Variants in MORF4L1 observed in about 807,000 individuals in gnomAD.
MORF4L1 encodes the protein mortality factor 4 like 1.
In MORF4L1, 4 loss-of-function variants were observed where a neutral mutation model predicts 52.9. The ratio of observed to expected loss-of-function variants is 0.08; its 90% CI spans 0.04 to 0.17. MORF4L1 has a LOEUF of 0.17. MORF4L1 is among the 10% of genes least tolerant of loss of function. The probability of loss-of-function intolerance (pLI) is 1.00; values close to 1 mark genes in which losing one functional copy is unlikely to be tolerated. For synonymous variants in MORF4L1, 123 were observed against 134.8 expected, an observed-to-expected ratio of 0.91 and a Z score of 0.61; for missense variants, 214 against 390.4, an observed-to-expected ratio of 0.55 and a Z score of 3.81.
intron 3 of MORF4L1, chr15:78,885,156 G>GTAT (rs1425249759): frequency 1.6e-6 from 2 of 1,240,940 alleles, no homozygotes; most frequent in Non-Finnish European, 2.3e-6. Flanking sequence ...CCTCTTGGCT[G>GTAT]TATTATATAA....
rs1432956986 is a variant in MORF4L1, at chr15:78,897,249, T to C, written c.*182T>C. 6.2e-6 allele frequency: 3 copies of C among 482,680 alleles called. No homozygotes were observed. Among genetic ancestry groups the C allele is most frequent in the East Asian group, 3.6e-5 (1 of 27,432 alleles). The allele number at this position is 482,680 out of a possible 1,614,324, so 29.9% of individuals were successfully genotyped here. A position where few individuals can be genotyped will look rare whatever the true frequency, so the allele number is the denominator to read the frequency against. ...ATAGCTCCTTTTTTCTTCTTTCTTTTTTTTTTTCATTTCAAAATTGCTGCC... is the reference window on the plus strand; with the variant it reads ...ATAGCTCCTTTTTTCTTCTTTCTTTCTTTTTTTCATTTCAAAATTGCTGCC... On this transcript the variant is annotated 3_prime_UTR_variant, in exon 12 of 12. Coordinates refer to ENST00000426013, the MANE Select transcript of MORF4L1 (RefSeq NM_006791.4).
At chr15:78,890,112 T>C (rs1214260451) in intron 5 of MORF4L1, among the ~76,000 whole-genome samples, 1 of 151,988 alleles carries the variant, frequency 6.6e-6, no homozygotes, top group African/African-American at 2.4e-5. Context: ...CCCAGCTACT[T>C]GGAAGGCTGA....
At chr15:78,887,648 C>G (rs376048738) in intron 5 of MORF4L1, among the ~76,000 whole-genome samples, 6 of 152,288 alleles carry the variant, frequency 3.9e-5, no homozygotes, top group African/African-American at 1.4e-4. Context: ...CCTTTTCAAA[C>G]CTAAAAAGCA....
intron 8 of MORF4L1, 53 bp from the exon 9 acceptor site, chr15:78,893,485 AT>A (rs1286322086): frequency 2.2e-5 from 28 of 1,246,812 alleles, no homozygotes; most frequent in Non-Finnish European, 2.8e-5. Context: ...GCCTGGTATG[AT>A]TTTTCTTTAA....
chr15:78,882,829 TA>T (rs34194384), intron 3 of MORF4L1, among the ~76,000 whole-genome samples: 150,753 of 152,330 alleles, frequency 0.99, 74,623 homozygotes, highest in Middle Eastern at 1. Flanking sequence ...TTTAGCTTCT[TA>T]GGGAGGCTGA....
Position 78,878,241 on chromosome 15 carries a change from T to G in MORF4L1, c.69T>G (p.Pro23=). 1.2e-6 allele frequency: 2 copies of G among 1,612,034 alleles called. No individual in the cohort carries two copies. The highest frequency in any genetic ancestry group is 2.2e-5 in the South Asian group (2 of 90,652). Reference sequence around the variant, plus strand: ...AGCGAGTGCTGTGCTTTCATGGGCCTCTTCTTTATGAAGCAAAGGTATGAA... The same window carrying G: ...AGCGAGTGCTGTGCTTTCATGGGCCGCTTCTTTATGAAGCAAAGGTATGAA... The part of the protein sequence containing the change: ...EGERVLCFHG[P]LLYEAKCVKV... Residue 23 remains proline, a synonymous_variant, in exon 2 of 12, where the codon CCT becomes CCG. Coordinates refer to ENST00000426013, the MANE Select transcript of MORF4L1 (RefSeq NM_006791.4).
At chr15:78,883,140 A>C (rs1157119709) in intron 3 of MORF4L1, among the ~76,000 whole-genome samples, 1 of 150,956 alleles carries the variant, frequency 6.6e-6, no homozygotes, top group Non-Finnish European at 1.5e-5. Flanking sequence ...GCTTGAACCC[A>C]GGAGGCGAAG....
rs751141961 is a variant in MORF4L1, at chr15:78,891,558, C to T, written c.424C>T (p.Pro142Ser). The part of the protein sequence containing the change: ...PPRKKRARVD[P>S]TVENEETFMN... ...TCGGAAGAAAAGGGCCCGGGTAGAT[C>T]CTACTGTTGAAAATGTGAGTTTTTC... Residue 142 changes from proline to serine, a missense_variant, in exon 7 of 12, where the codon CCT becomes TCT. Physicochemically the swap from Pro to Ser is moderately conservative, Grantham distance 74 (BLOSUM62 -1). Transcript: ENST00000426013. 6.2e-7 allele frequency: 1 copy of T among 1,612,762 alleles called. No individual in the cohort carries two copies. Among genetic ancestry groups the T allele is most frequent in the Admixed American group, 1.7e-5 (1 of 59,914 alleles).
chr15:78,896,298 CT>C (rs1465107174), intron 11 of MORF4L1, among the ~76,000 whole-genome samples: 1 of 100,624 alleles, frequency 9.9e-6, no homozygotes, highest in Non-Finnish European at 1.9e-5. Context: ...TTTCTTTTTT[CT>C]TTTCTTTTCT....
chr15:78,880,646 C>A, intron 3 of MORF4L1, 67 bp downstream of exon 3: 1 of 1,181,210 alleles, frequency 8.5e-7, no homozygotes, highest in Admixed American at 2.3e-5. Flanking sequence ...ACTGGCTTAG[C>A]AAGCATATGC....
At chr15:78,886,737 C>T (rs1375428553) in intron 4 of MORF4L1, among the ~76,000 whole-genome samples, 3 of 152,106 alleles carry the variant, frequency 2.0e-5, no homozygotes, top group East Asian at 1.9e-4. Flanking sequence ...GGGTGGATCA[C>T]GAGGTCAGGA....
intron 7 of MORF4L1, 117 bp downstream of exon 7, chr15:78,891,689 T>A (rs2056804759): frequency 2.6e-6 from 2 of 782,662 alleles, no homozygotes; most frequent in East Asian, 5.6e-5. Flanking sequence ...ATACCTGAAA[T>A]TAAAAATTTT....
At chr15:78,873,270 T>C in intron 1 of MORF4L1, 2 of 1,462,588 alleles carry the variant, frequency 1.4e-6, no homozygotes, top group Non-Finnish European at 1.8e-6. Context: ...GCGCAGGCGT[T>C]AGAGTGGGAG....
At chr15:78,878,814 TA>T (rs1182469823) in intron 2 of MORF4L1, among the ~76,000 whole-genome samples, 4 of 152,212 alleles carry the variant, frequency 2.6e-5, no homozygotes, top group African/African-American at 9.6e-5. Context: ...AAAGTTTCAG[TA>T]TTTTGTTTCT....
At position 78,893,645 on chromosome 15, in the gene MORF4L1, T is replaced by A; in HGVS notation, c.629+18T>A. 1 of 1,477,622 alleles carries A rather than the reference T, an allele frequency of 6.8e-7. No individual in the cohort carries two copies. The highest frequency in any genetic ancestry group is 9.3e-7 in the Non-Finnish European group (1 of 1,071,048). 91.5% of individuals were successfully genotyped at this position (1,477,622 alleles called of 1,614,324 possible). Reference sequence around the variant, plus strand: ...GATAATAAGTAAGAATATACATTTTTCAGATGACACTCAAAAGACATTTAA... The same window carrying A: ...GATAATAAGTAAGAATATACATTTTACAGATGACACTCAAAAGACATTTAA... On this transcript the variant is annotated intron_variant, in intron 9 of 11. Coordinates refer to ENST00000426013, the MANE Select transcript of MORF4L1 (RefSeq NM_006791.4).
At chr15:78,876,408 TTTTG>T (rs1255030262) in intron 1 of MORF4L1, 2 of 372,602 alleles carry the variant, frequency 5.4e-6, no homozygotes, top group Non-Finnish European at 1.1e-5. Flanking sequence ...GGAAATTCTT[TTTTG>T]TTTTGTTTTG....
chr15:78,892,087 C>A, intron 7 of MORF4L1, 125 bp from the exon 8 acceptor site: 329 of 504,394 alleles, frequency 6.5e-4, no homozygotes, highest in Middle Eastern at 1.7e-3. Context: ...TAAAAAATGA[C>A]AGTACAGCTG....
chr15:78,878,552 A>G (rs1444782199), intron 2 of MORF4L1, among the ~76,000 whole-genome samples: 2 of 152,166 alleles, frequency 1.3e-5, no homozygotes, highest in Non-Finnish European at 2.9e-5. Context: ...TTTGTGGTTA[A>G]TGACTTGGTG....
intron 11 of MORF4L1, among the ~76,000 whole-genome samples, chr15:78,895,938 A>G (rs530092600): frequency 6.6e-6 from 1 of 152,202 alleles, no homozygotes; most frequent in African/African-American, 2.4e-5. Flanking sequence ...AATGTGCTCT[A>G]CTACTTGACA....
Sources: gnomAD v4.1 joint callset for allele counts (sites outside exome capture counted in the v4.1 genomes callset) on GRCh38, gnomAD v4.1.1 for gene constraint, MANE v1.5 for transcripts, NCBI Gene and HGNC (gene_info 2026-07-23, HGNC 2026-07-21) for gene names.